RPS6KB2: variants seen among roughly 807,000 people sequenced by gnomAD.
The protein encoded by RPS6KB2 is ribosomal protein S6 kinase beta-2.
A neutral mutation model predicts 58.2 loss-of-function variants in RPS6KB2; 51 were observed. That is an observed-to-expected ratio of 0.88 (90% CI 0.70 to 1.11). The LOEUF (loss-of-function observed/expected upper bound fraction) is 1.11, where lower values mean the gene tolerates loss of function less well. RPS6KB2 is among the 50% of genes least tolerant of loss of function. The probability of loss-of-function intolerance (pLI) is 0.00; values close to 1 mark genes in which losing one functional copy is unlikely to be tolerated. For synonymous variants in RPS6KB2, 293 were observed against 258.6 expected (o/e 1.13, Z -1.28); for missense variants, 671 against 655.8 (o/e 1.02, Z -0.25).
intron 10 of RPS6KB2, among the ~76,000 whole-genome samples, chr11:67,433,775 C>T (rs1864135761): frequency 6.6e-6 from 1 of 152,182 alleles, no homozygotes; most frequent in South Asian, 2.1e-4. Context: ...ACCAACGCGC[C>T]CTGGGGCAAT....
intron 5 of RPS6KB2, chr11:67,431,816 G>A: frequency 5.5e-6 from 2 of 363,926 alleles, no homozygotes; most frequent in Non-Finnish European, 1.0e-5. Flanking sequence ...TCCCTGTCTT[G>A]TTCTTCTCTC....
At chr11:67,429,836 C>T (rs1048519530) in intron 4 of RPS6KB2, 19 of 431,546 alleles carry the variant, frequency 4.4e-5, no homozygotes, top group Middle Eastern at 6.5e-4. Flanking sequence ...TTTTTTAAGA[C>T]GGAGTCTTGC....
At chr11:67,434,812 T>C in intron 14 of RPS6KB2, 118 bp downstream of exon 14, 1 of 1,010,628 alleles carries the variant, frequency 9.9e-7, no homozygotes, top group Non-Finnish European at 1.5e-6. Flanking sequence ...GGTTGCTGTG[T>C]CTATCATGGG....
chr11:67,431,614 G>A, intron 5 of RPS6KB2, 99 bp downstream of exon 5: 1 of 1,309,832 alleles, frequency 7.6e-7, no homozygotes, highest in Non-Finnish European at 1.1e-6. Flanking sequence ...ATGAGTCTGT[G>A]GGGGTTGGCT....
chr11:67,432,458 T>C (rs1590973935), intron 5 of RPS6KB2, 142 bp from the exon 6 acceptor site: 2 of 863,622 alleles, frequency 2.3e-6, no homozygotes, highest in East Asian at 5.1e-5. Flanking sequence ...GTTTGCTGAA[T>C]TGAATTGAAT....
Position 67,434,005 on chromosome 11 carries a change from G to T in RPS6KB2, c.917G>T (p.Arg306Leu), listed in dbSNP as rs201850616. The change falls in exon 11 of 15, where the codon CGG (arginine) becomes CTG (leucine). Residue 306 changes from arginine (R) to leucine (L), a missense_variant. Arg to Leu is a moderately radical substitution (Grantham distance 102, BLOSUM62 -2). Transcript: ENST00000312629. Reference sequence around the variant, plus strand: ...CTCCTGGTCCCGCAGTTTCTGAAACGGAATCCCAGCCAGCGGATTGGGGGT... The same window carrying T: ...CTCCTGGTCCCGCAGTTTCTGAAACTGAATCCCAGCCAGCGGATTGGGGGT... ...ARDLVKKFLK[R>L]NPSQRIGGGP... 248 of 1,614,134 alleles carry T rather than the reference G, an allele frequency of 1.5e-4. 1 individual carries two copies. The Admixed American group carries it at 3.6e-3, about 24-fold the overall frequency.
intron 13 of RPS6KB2, 24 bp downstream of exon 13, chr11:67,434,508 G>A (rs761693337): frequency 6.2e-7 from 1 of 1,603,998 alleles, no homozygotes; most frequent in Admixed American, 1.7e-5. Context: ...CCTGAGGCCT[G>A]TGGGACCAGG....
intron 5 of RPS6KB2, 168 bp from the exon 6 acceptor site, chr11:67,432,432 G>A: frequency 1.3e-6 from 1 of 751,384 alleles, no homozygotes; most frequent in Non-Finnish European, 2.3e-6. Flanking sequence ...CAGGCACCGA[G>A]TAGGCGTCGG....
chr11:67,429,658 C>A, intron 4 of RPS6KB2, 63 bp downstream of exon 4: 1 of 1,342,326 alleles, frequency 7.4e-7, no homozygotes, highest in Non-Finnish European at 1.1e-6. Flanking sequence ...CTGTACCAGG[C>A]TTTGGGAAGA....
chr11:67,434,105 C>T (rs769181434), intron 11 of RPS6KB2, 48 bp downstream of exon 11: 5 of 1,612,396 alleles, frequency 3.1e-6, no homozygotes, highest in Non-Finnish European at 3.4e-6. Context: ...TCCAAGGGTG[C>T]CGGGAATGGG....
rs1864219648 is a variant in RPS6KB2 at position 67,435,065 on chromosome 11, C to T, written c.1345C>T (p.Pro449Ser). ...LPEPTELPLP[P>S]LLPPPPPSTT... ...GGAGCCCACGGAGCTACCTCTACCT[C>T]CACTCCTGCCACCGCCGCCGCCCTC... The change falls in exon 15 of 15, where the codon CCA becomes TCA. Residue 449 changes from proline to serine, a missense_variant. Transcript: ENST00000312629. 1 of 1,611,710 alleles carries T rather than the reference C, an allele frequency of 6.2e-7. No homozygotes were observed. The highest frequency in any genetic ancestry group is 1.7e-5 in the Admixed American group (1 of 59,984).
chr11:67,432,347 C>T, intron 5 of RPS6KB2: 1 of 677,008 alleles, frequency 1.5e-6, no homozygotes, highest in Non-Finnish European at 2.7e-6. Context: ...ATGTCTGTCT[C>T]CCCAGTAGAC....
Position 67,433,771 on chromosome 11 carries a change from G to A in RPS6KB2, c.907-224G>A, listed in dbSNP as rs573257379. On this transcript the variant is annotated intron_variant, in intron 10 of 14. Transcript: ENST00000312629. ...CATGGGGAGTTGGCGCCTCACCAACGCGCCCTGGGGCAATGCCAGGGCCCA... is the reference window on the plus strand; with the variant it reads ...CATGGGGAGTTGGCGCCTCACCAACACGCCCTGGGGCAATGCCAGGGCCCA... 1.1e-4 allele frequency among the ~76,000 whole-genome samples: 17 copies of A among 152,258 alleles called. No individual in the cohort carries two copies. The East Asian group carries it at 2.5e-3, about 23-fold the overall frequency.
Position 67,434,258 on chromosome 11 carries a change from C to G in RPS6KB2, c.1030C>G (p.Pro344Ala), listed in dbSNP as rs760171314. The G allele has an allele frequency of 1.2e-5, 20 of 1,613,520 alleles. No homozygotes were observed. Among genetic ancestry groups the G allele is most frequent in the East Asian group, 4.5e-5 (2 of 44,896 alleles). The change falls in exon 12 of 15, where the codon CCT becomes GCT. Residue 344 changes from proline to alanine, a missense_variant. Transcript: ENST00000312629. ...CCTTCTGGCCTGGCGTGTGGACCCC[C>G]CTTTCAGGCCCTGTCTGGTGAGCAG... is the stretch of plus-strand genomic sequence containing the variant. The part of the protein sequence containing the change: ...DDLLAWRVDP[P>A]FRPCLQSEED...
chr11:67,431,494 C>G lies in RPS6KB2; in HGVS notation c.436C>G (p.Leu146Val). ...YAFQTGGKLY[L>V]ILECLSGGEL... ...CTTCCAGACTGGTGGCAAACTCTAC[C>G]TCATCCTTGAGTGCCTCAGTGGTAT... The change falls in exon 5 of 15, where the codon CTC becomes GTC. Residue 146 changes from leucine (L) to valine (V), a missense_variant. Leu to Val is a conservative substitution (Grantham distance 32, BLOSUM62 1). Coordinates refer to ENST00000312629, the MANE Select transcript of RPS6KB2 (RefSeq NM_003952.3). 6.2e-7 allele frequency: 1 copy of G among 1,614,072 alleles called. No homozygotes were observed. Among genetic ancestry groups the G allele is most frequent in the Non-Finnish European group, 8.5e-7 (1 of 1,179,996 alleles).
At chr11:67,432,454 T>C in intron 5 of RPS6KB2, 146 bp from the exon 6 acceptor site, 1 of 842,618 alleles carries the variant, frequency 1.2e-6, no homozygotes, top group East Asian at 2.6e-5. Flanking sequence ...AGATGTTTGC[T>C]GAATTGAATT....
chr11:67,435,380 A>G lies in RPS6KB2; in HGVS notation c.*211A>G, dbSNP rs1590981397. 1.6e-6 allele frequency: 1 copy of G among 616,992 alleles called. No homozygotes were observed. Among genetic ancestry groups the G allele is most frequent in the East Asian group, 2.8e-5 (1 of 35,262 alleles). The allele number at this position is 616,992 out of a possible 1,614,324, so 38.2% of individuals were successfully genotyped here. ...GCCCCGCGCTCAACTGCTCCCGTGGAAGATTAAAGGGCTGAATCATGGTGC... is the reference window on the plus strand; with the variant it reads ...GCCCCGCGCTCAACTGCTCCCGTGGGAGATTAAAGGGCTGAATCATGGTGC... On this transcript the variant is annotated 3_prime_UTR_variant, in exon 15 of 15. Transcript: ENST00000312629.
At position 67,434,029 on chromosome 11, in the gene RPS6KB2, G is replaced by T; in HGVS notation, c.941G>T (p.Gly314Val). ...LKRNPSQRIG[G>V]GPGDAADVQR... ...CGGAATCCCAGCCAGCGGATTGGGG[G>T]TGGCCCAGGGGATGCTGCTGATGTG... is the stretch of plus-strand genomic sequence containing the variant. Residue 314 changes from glycine to valine, a missense_variant, in exon 11 of 15, where the codon GGT (glycine) becomes GTT (valine). Gly to Val is a moderately radical substitution (Grantham distance 109, BLOSUM62 -3). Transcript: ENST00000312629. 1 of 1,614,150 alleles carries T rather than the reference G, an allele frequency of 6.2e-7. No individual in the cohort carries two copies. The highest frequency in any genetic ancestry group is 8.5e-7 in the Non-Finnish European group (1 of 1,180,028).
chr11:67,432,579 G>A lies in RPS6KB2; in HGVS notation c.458-21G>A, dbSNP rs376516598. ...AGGGGCTTGGACCCAGCACGTGGCT[G>A]CTGACGTGTTTGTGTGGCAGGTGGC... is the stretch of plus-strand genomic sequence containing the variant. On this transcript the variant is annotated intron_variant, in intron 5 of 14. Transcript: ENST00000312629. The A allele has an allele frequency of 9.4e-5, 152 of 1,614,072 alleles. 2 individuals carry two copies. In the East Asian group the frequency reaches 1.9e-3, roughly 20 times the overall value.
Sources: allele counts gnomAD v4.1 joint callset (sites outside exome capture counted in the v4.1 genomes callset), GRCh38; gene constraint gnomAD v4.1.1; transcripts MANE v1.5; gene names NCBI Gene and HGNC (gene_info 2026-07-23, HGNC 2026-07-21).